The following POM121C variants were observed in gnomAD, a reference collection of about 807,000 sequenced individuals.
POM121C encodes the protein nuclear envelope pore membrane protein POM 121C.
A neutral mutation model predicts 66.4 loss-of-function variants in POM121C; 20 were observed. The observed-to-expected ratio is 0.30, with a 90% CI of 0.21 to 0.44. POM121C has a LOEUF of 0.44. POM121C is among the 20% of genes least tolerant of loss of function. The probability of loss-of-function intolerance (pLI) is 1.00; values close to 1 mark genes in which losing one functional copy is unlikely to be tolerated. For missense variants in POM121C, 580 were observed against 1,225.7 expected (o/e 0.47, Z 7.87); for synonymous variants, 286 against 528.0 (o/e 0.54, Z 6.28).
At chr7:75,476,971 T>C (rs1276674070) in intron 1 of POM121C, among the ~76,000 whole-genome samples, 16 of 151,484 alleles carry the variant, frequency 1.1e-4, no homozygotes, top group African/African-American at 2.4e-5. Flanking sequence ...CTAAAGAAAA[T>C]AGAAACTGAT....
At chr7:75,424,417 C>T (rs375541194) in intron 11 of POM121C, 109 bp downstream of exon 11, 1 of 1,486,162 alleles carries the variant, frequency 6.7e-7, no homozygotes, top group Non-Finnish European at 9.3e-7. Flanking sequence ...AAACATGGAA[C>T]TCTACTTCGG....
intron 7 of POM121C, among the ~76,000 whole-genome samples, chr7:75,433,167 G>A (rs772127522): frequency 7.2e-5 from 10 of 138,210 alleles, no homozygotes; most frequent in Non-Finnish European, 1.1e-4. Flanking sequence ...CCCAGGAGGC[G>A]GAGATTGCAG....
In POM121C at chr7:75,441,616, T is replaced by C. The variant is rs782148128; in HGVS notation, c.-120A>G. On this transcript the variant is annotated 5_prime_UTR_variant, in exon 4 of 15. Coordinates refer to ENST00000615331, the MANE Select transcript of POM121C (RefSeq NM_001099415.3). ...ATCGGATAGCGTCTTCGAGGTGTTA[T>C]TACAAACCGATCTGGTAAAGTCCCA... 123 of 1,570,452 alleles carry C rather than the reference T, an allele frequency of 7.8e-5. No individual in the cohort carries two copies. Among genetic ancestry groups the C allele is most frequent in the Non-Finnish European group, 1.0e-4 (116 of 1,157,160 alleles).
chr7:75,440,144 G>C (rs1790579482), intron 5 of POM121C, among the ~76,000 whole-genome samples: 1 of 151,872 alleles, frequency 6.6e-6, no homozygotes, highest in Non-Finnish European at 1.5e-5. Context: ...GCCTCTCAAG[G>C]TGCTGGGATT....
At chr7:75,468,676 G>A (rs1410954215) in intron 3 of POM121C, among the ~76,000 whole-genome samples, 4 of 152,046 alleles carry the variant, frequency 2.6e-5, no homozygotes, top group African/African-American at 9.7e-5. Context: ...ACCAACATAT[G>A]CAACTGCCTA....
chr7:75,479,615 C>CAAAA lies in POM121C; in HGVS notation c.-457-4428_-457-4427insTTTT, dbSNP rs1170965327. On this transcript the variant is annotated intron_variant, in intron 1 of 14. Transcript: ENST00000615331. ...TGGGGGACAGAGTGAGACTCTGTCT[C>CAAAA]TAAATAAATAAATAAATAAATAAAT... Among the ~76,000 whole-genome samples the CAAAA allele has an allele frequency of 7.3e-3, 976 of 134,596 alleles. 42 individuals are homozygous for CAAAA. Among genetic ancestry groups the CAAAA allele is most frequent in the Middle Eastern group, 0.022 (6 of 270 alleles). 88.3% of individuals were successfully genotyped at this position (134,596 alleles called of 152,430 possible).
intron 3 of POM121C, among the ~76,000 whole-genome samples, chr7:75,452,035 G>A (rs1554475615): frequency 1.3e-5 from 2 of 151,752 alleles, no homozygotes; most frequent in African/African-American, 4.8e-5. Context: ...ATGGTGGTGG[G>A]CACCTATAAT....
At chr7:75,469,139 G>A (rs782389256) in intron 3 of POM121C, among the ~76,000 whole-genome samples, 2 of 147,002 alleles carry the variant, frequency 1.4e-5, no homozygotes, top group South Asian at 2.2e-4. Flanking sequence ...TTGCTCTGTT[G>A]CCCAGGCTGG....
At chr7:75,457,290 A>C (rs1331393386) in intron 3 of POM121C, among the ~76,000 whole-genome samples, 1 of 148,924 alleles carries the variant, frequency 6.7e-6, no homozygotes, top group Non-Finnish European at 1.5e-5. Flanking sequence ...GTGAGTTCCC[A>C]GGGTGGTTTG....
At chr7:75,431,640 GA>G (rs1554472376) in intron 7 of POM121C, among the ~76,000 whole-genome samples, 4 of 133,468 alleles carry the variant, frequency 3.0e-5, no homozygotes, top group Non-Finnish European at 6.4e-5. Flanking sequence ...AATATAAACT[GA>G]AACACTCCCT....
chr7:75,480,825 TATAA>T (rs1401533877), intron 1 of POM121C, among the ~76,000 whole-genome samples: 6 of 151,996 alleles, frequency 3.9e-5, no homozygotes, highest in Non-Finnish European at 7.4e-5. Context: ...TAAAAATTGC[TATAA>T]AGGAAATTAT....
chr7:75,442,841 T>C (rs1215336614), intron 3 of POM121C: 33 of 1,124,066 alleles, frequency 2.9e-5, no homozygotes, highest in Non-Finnish European at 3.6e-5. Flanking sequence ...GCCCGGCAGC[T>C]CCCGAGACAC....
intron 8 of POM121C, 86 bp from the exon 9 acceptor site, chr7:75,425,794 G>C (rs1215794963): frequency 1.7e-6 from 2 of 1,156,940 alleles, no homozygotes; most frequent in Non-Finnish European, 2.4e-6. Context: ...TAACTACCAA[G>C]TGGCCAACAT....
At chr7:75,479,503 C>T (rs1265910731) in intron 1 of POM121C, among the ~76,000 whole-genome samples, 5 of 148,376 alleles carry the variant, frequency 3.4e-5, no homozygotes, top group Non-Finnish European at 7.4e-5. Flanking sequence ...GTAATCCCAG[C>T]TACCCAGGAG....
intron 7 of POM121C, among the ~76,000 whole-genome samples, chr7:75,435,291 A>G (rs1368052312): frequency 6.6e-6 from 1 of 152,210 alleles, no homozygotes; most frequent in Non-Finnish European, 1.5e-5. Flanking sequence ...GTTCAAATCT[A>G]TATATACTGT....
In POM121C at chr7:75,417,691, C is replaced by T. The variant is rs449997; in HGVS notation, c.*1105G>A. ...GAGGTCAGTTAAGTGGGACAGAAAC[C>T]GCAGAGGGAAGAGGTCTTTGCTTCC... is the stretch of plus-strand genomic sequence containing the variant. On this transcript the variant is annotated 3_prime_UTR_variant, in exon 15 of 15. Transcript: ENST00000615331. The T allele has an allele frequency of 3.2e-5, 32 of 985,694 alleles. No homozygotes were observed. The African/African-American group carries it at 4.7e-4, about 15-fold the overall frequency. The allele number at this position is 985,694 out of a possible 1,614,324, so 61.1% of individuals were successfully genotyped here. A position where few individuals can be genotyped will look rare whatever the true frequency, so the allele number is the denominator to read the frequency against.
rs1460742051 is a variant in POM121C at position 75,474,765 on chromosome 7, C to T, written c.-213G>A. ...TCCACAGCTCCTCTCCCTGCTCCAA[C>T]TTAATGATGACGTTTGGCTTGGTGA... On this transcript the variant is annotated 5_prime_UTR_variant, in exon 3 of 15. Transcript: ENST00000615331. 7.4e-5 allele frequency: 104 copies of T among 1,405,910 alleles called. No individual in the cohort carries two copies. The highest frequency in any genetic ancestry group is 1.3e-4 in the Admixed American group (7 of 55,648). The allele number at this position is 1,405,910 out of a possible 1,614,324, so 87.1% of individuals were successfully genotyped here.
intron 2 of POM121C, 46 bp from the exon 3 acceptor site, chr7:75,474,928 C>A (rs1423945757): frequency 6.6e-6 from 7 of 1,065,262 alleles, no homozygotes; most frequent in South Asian, 1.4e-5. Context: ...AAAGTTAGAA[C>A]CTTTCAATGA....
chr7:75,433,326 GA>G (rs1244877978), intron 7 of POM121C, among the ~76,000 whole-genome samples: 2 of 145,268 alleles, frequency 1.4e-5, no homozygotes, highest in African/African-American at 5.0e-5. Context: ...TATCCTGTAA[GA>G]ATTATTTTAT....
Sources: allele counts gnomAD v4.1 joint callset (sites outside exome capture counted in the v4.1 genomes callset), GRCh38; gene constraint gnomAD v4.1.1; transcripts MANE v1.5; gene names NCBI Gene and HGNC (gene_info 2026-07-23, HGNC 2026-07-21).